The following DLGAP2 variants were observed in gnomAD, a reference collection of about 807,000 sequenced individuals.
The protein encoded by DLGAP2 is disks large-associated protein 2.
DLGAP2 carries 26 observed loss-of-function variants against 100.3 expected under a neutral mutation model. That is an observed-to-expected ratio of 0.26 (90% CI 0.19 to 0.36). The LOEUF is 0.36. Among genes scored for constraint, DLGAP2 ranks in the 10% least tolerant of loss-of-function variants. DLGAP2 has a pLI of 1.00. For synonymous variants in DLGAP2, 886 were observed against 630.1 expected (o/e 1.41, Z -6.08); for missense variants, 1,858 against 1,453.2 (o/e 1.28, Z -4.53).
rs541967078 is a variant in DLGAP2 at position 961,519 on chromosome 8, G to A, written c.73+53553G>A. On this transcript the variant is annotated intron_variant, in intron 2 of 14. Coordinates refer to ENST00000637795, the MANE Select transcript of DLGAP2 (RefSeq NM_001346810.2). ...ATGTAGACACCAGTTCTGTTTCTAA[G>A]GAGGGCTTTCTGAATATCATTTCTA... Among the ~76,000 whole-genome samples, 5 of 152,276 alleles carry A rather than the reference G, an allele frequency of 3.3e-5. No individual in the cohort carries two copies. In the South Asian group the frequency reaches 1.0e-3, roughly 32 times the overall value.
chr8:1,438,691 C>T (rs1797729296), intron 3 of DLGAP2, among the ~76,000 whole-genome samples: 1 of 152,178 alleles, frequency 6.6e-6, no homozygotes, highest in Admixed American at 6.5e-5. Context: ...TTTGATCTAT[C>T]ACAATACACA....
chr8:1,132,768 C>G (rs1796323059), intron 2 of DLGAP2, among the ~76,000 whole-genome samples: 1 of 152,216 alleles, frequency 6.6e-6, no homozygotes, highest in Non-Finnish European at 1.5e-5. Context: ...CATCATAAAT[C>G]AACCCATGGA....
intron 3 of DLGAP2, among the ~76,000 whole-genome samples, chr8:1,385,978 T>C (rs1456269081): frequency 2.0e-5 from 3 of 152,262 alleles, no homozygotes; most frequent in African/African-American, 7.2e-5. Flanking sequence ...ATCAATGAGA[T>C]CTGAAGATTG....
At chr8:1,629,724 A>G (rs1797596082) in intron 7 of DLGAP2, among the ~76,000 whole-genome samples, 1 of 152,378 alleles carries the variant, frequency 6.6e-6, no homozygotes, top group Middle Eastern at 3.4e-3. Context: ...CAAAAGGTTT[A>G]AACAGAAGTG....
chr8:1,040,886 C>G (rs1043776199), intron 2 of DLGAP2, among the ~76,000 whole-genome samples: 2 of 152,146 alleles, frequency 1.3e-5, no homozygotes, highest in Non-Finnish European at 2.9e-5. Context: ...CAGCACGCAC[C>G]CTCATTCCTG....
At chr8:1,389,282 G>T (rs1324839884) in intron 3 of DLGAP2, among the ~76,000 whole-genome samples, 8 of 138,532 alleles carry the variant, frequency 5.8e-5, no homozygotes, top group Non-Finnish European at 1.0e-4. Flanking sequence ...AGTCAGTGGG[G>T]AGGGGACTCT....
intron 2 of DLGAP2, among the ~76,000 whole-genome samples, chr8:1,001,891 A>G (rs752269292): frequency 1.3e-5 from 2 of 152,186 alleles, no homozygotes; most frequent in African/African-American, 4.8e-5. Flanking sequence ...GGCTCAAGAA[A>G]GGGCTTGGTT....
chr8:1,155,965 C>T (rs997847213), intron 2 of DLGAP2, among the ~76,000 whole-genome samples: 19 of 152,308 alleles, frequency 1.2e-4, no homozygotes, highest in African/African-American at 4.3e-4. Context: ...CCCGTTCCTG[C>T]GCTGCCCCTG....
intron 2 of DLGAP2, among the ~76,000 whole-genome samples, chr8:1,138,228 C>G (rs948173772): frequency 1.3e-5 from 2 of 152,228 alleles, no homozygotes; most frequent in African/African-American, 4.8e-5. Context: ...TCAATGCTCC[C>G]TGAGTCCCCT....
chr8:1,364,392 C>T (rs1305544020), intron 3 of DLGAP2, among the ~76,000 whole-genome samples: 2 of 151,966 alleles, frequency 1.3e-5, no homozygotes, highest in South Asian at 2.1e-4. Flanking sequence ...GGAGTGGTCT[C>T]CTGCTGTGGG....
At chr8:1,547,033 C>T (rs1306646310) in intron 4 of DLGAP2, among the ~76,000 whole-genome samples, 1 of 152,128 alleles carries the variant, frequency 6.6e-6, no homozygotes, top group Non-Finnish European at 1.5e-5. Flanking sequence ...TGGTGTGGAG[C>T]CGGGTCTTGG....
intron 2 of DLGAP2, among the ~76,000 whole-genome samples, chr8:1,251,857 T>G (rs1184931911): frequency 6.6e-6 from 1 of 152,264 alleles, no homozygotes; most frequent in Non-Finnish European, 1.5e-5. Context: ...TATTCTCGCA[T>G]CATGTTGTCT....
chr8:1,244,908 C>G (rs1432403144), intron 2 of DLGAP2, among the ~76,000 whole-genome samples: 2 of 152,056 alleles, frequency 1.3e-5, no homozygotes, highest in South Asian at 2.1e-4. Flanking sequence ...TTTAGAAGAA[C>G]TCCTAAAGCA....
At chr8:1,693,496 C>G (rs1267923034) in intron 13 of DLGAP2, among the ~76,000 whole-genome samples, 2 of 152,234 alleles carry the variant, frequency 1.3e-5, no homozygotes, top group African/African-American at 4.8e-5. Flanking sequence ...GATTTCTTTT[C>G]AGACCAAACA....
At chr8:983,888 C>T (rs1206070646) in intron 2 of DLGAP2, among the ~76,000 whole-genome samples, 2 of 152,164 alleles carry the variant, frequency 1.3e-5, no homozygotes, top group African/African-American at 2.4e-5. Context: ...GATCCTCTTG[C>T]CTTGGGCTCC....
chr8:777,296 CTT>C (rs1821549326), intron 1 of DLGAP2, among the ~76,000 whole-genome samples: 1 of 150,828 alleles, frequency 6.6e-6, no homozygotes, highest in Non-Finnish European at 1.5e-5. Context: ...GGTCTTGACT[CTT>C]TATCCAATTT....
chr8:1,156,989 C>T (rs928556275), intron 2 of DLGAP2, among the ~76,000 whole-genome samples: 15 of 152,080 alleles, frequency 9.9e-5, no homozygotes, highest in Non-Finnish European at 2.9e-5. Context: ...AGCTCCTCCC[C>T]CGAGTCCCCT....
intron 3 of DLGAP2, among the ~76,000 whole-genome samples, chr8:1,441,582 G>A (rs1797833709): frequency 1.3e-5 from 2 of 151,702 alleles, no homozygotes; most frequent in South Asian, 4.2e-4. Context: ...CAGCTACTCA[G>A]GAGGCTGAGG....
intron 2 of DLGAP2, among the ~76,000 whole-genome samples, chr8:1,129,796 T>C (rs898375149): frequency 6.6e-6 from 1 of 152,174 alleles, no homozygotes; most frequent in Non-Finnish European, 1.5e-5. Context: ...AGAGGCCCAC[T>C]GAGGAGCAGC....
Sources: allele counts gnomAD v4.1 joint callset (sites outside exome capture counted in the v4.1 genomes callset), GRCh38; gene constraint gnomAD v4.1.1; transcripts MANE v1.5; gene names NCBI Gene and HGNC (gene_info 2026-07-23, HGNC 2026-07-21).